Variants in TPD52 observed in about 807,000 individuals in gnomAD.
TPD52 encodes the protein tumor protein D52, also known as prostate and colon associated protein.
In TPD52, 17 loss-of-function variants were observed where a neutral mutation model predicts 31.3. That is an observed-to-expected ratio of 0.54 (90% CI 0.37 to 0.82). The LOEUF is 0.82. Ranked by LOEUF, TPD52 falls within the 40% of genes least tolerant of loss-of-function variation. The pLI, the probability that TPD52 is intolerant of heterozygous loss-of-function variation, is 0.00. For missense variants in TPD52, 212 were observed against 240.1 expected (o/e 0.88, Z 0.77); for synonymous variants, 83 against 89.6 (o/e 0.93, Z 0.42).
At chr8:80,157,181 G>C (rs1029078708) in intron 1 of TPD52, among the ~76,000 whole-genome samples, 1 of 151,820 alleles carries the variant, frequency 6.6e-6, no homozygotes, top group African/African-American at 2.4e-5. Flanking sequence ...ATCCAGTCAA[G>C]AGAATGTCAT....
chr8:80,048,411 T>G (rs1260646906), intron 5 of TPD52, among the ~76,000 whole-genome samples: 1 of 152,244 alleles, frequency 6.6e-6, no homozygotes, highest in Non-Finnish European at 1.5e-5. Flanking sequence ...ATCACCGGCA[T>G]AAGTTTGCCA....
chr8:80,147,847 C>A (rs1052400841), intron 1 of TPD52, among the ~76,000 whole-genome samples: 17 of 151,892 alleles, frequency 1.1e-4, no homozygotes, highest in African/African-American at 4.1e-4. Flanking sequence ...CGCACACACA[C>A]ACACACACCC....
intron 7 of TPD52, among the ~76,000 whole-genome samples, chr8:80,041,528 G>C (rs1010272353): frequency 6.6e-6 from 1 of 152,130 alleles, no homozygotes; most frequent in South Asian, 2.1e-4. Context: ...TACAAACTCC[G>C]TAGAGAGGGT....
At chr8:80,080,903 C>G in intron 1 of TPD52, 1 of 294,328 alleles carries the variant, frequency 3.4e-6, no homozygotes, top group Non-Finnish European at 5.0e-6. Flanking sequence ...CATGACTACA[C>G]CAGGGCAGAC....
chr8:80,164,657 G>A (rs1369286766), intron 1 of TPD52, among the ~76,000 whole-genome samples: 1 of 152,174 alleles, frequency 6.6e-6, no homozygotes, highest in Non-Finnish European at 1.5e-5. Context: ...GCCCAGGTGG[G>A]CAGATCACTT....
At chr8:80,124,903 G>A (rs1021085119) in intron 1 of TPD52, among the ~76,000 whole-genome samples, 1 of 152,078 alleles carries the variant, frequency 6.6e-6, no homozygotes, top group African/African-American at 2.4e-5. Flanking sequence ...TATAGCCCCT[G>A]TCCCCATATA....
chr8:80,044,926 C>T lies in TPD52; in HGVS notation c.414-718G>A, dbSNP rs114176293. 8.2e-3 allele frequency among the ~76,000 whole-genome samples: 1,255 copies of T among 152,244 alleles called. 12 individuals are homozygous for T. The highest frequency in any genetic ancestry group is 0.029 in the African/African-American group (1,204 of 41,536). ...TAAATATTTTGTGCGCTTATGATTTCCTTTTCTTAAAGACTCATTTGGTAC... is the reference window on the plus strand; with the variant it reads ...TAAATATTTTGTGCGCTTATGATTTTCTTTTCTTAAAGACTCATTTGGTAC... On this transcript the variant is annotated intron_variant, in intron 5 of 7. Coordinates refer to ENST00000518937, the MANE Select transcript of TPD52 (RefSeq NM_001025253.3).
At chr8:80,045,057 G>A (rs1437519116) in intron 5 of TPD52, among the ~76,000 whole-genome samples, 1 of 152,178 alleles carries the variant, frequency 6.6e-6, no homozygotes, top group Non-Finnish European at 1.5e-5. Flanking sequence ...GGCAATCTGT[G>A]TAATCAGGAT....
chr8:80,096,034 T>C (rs1816707755), intron 1 of TPD52, among the ~76,000 whole-genome samples: 1 of 152,182 alleles, frequency 6.6e-6, no homozygotes, highest in Admixed American at 6.5e-5. Flanking sequence ...AGCAGGCATA[T>C]TGCTTGAGCT....
chr8:80,087,015 C>T (rs1004064144), intron 1 of TPD52, among the ~76,000 whole-genome samples: 2 of 151,692 alleles, frequency 1.3e-5, no homozygotes, highest in Non-Finnish European at 2.9e-5. Flanking sequence ...TATGCAACTT[C>T]CTCTCAAATT....
intron 1 of TPD52, among the ~76,000 whole-genome samples, chr8:80,158,044 C>T (rs1458178497): frequency 6.6e-6 from 1 of 152,156 alleles, no homozygotes; most frequent in African/African-American, 2.4e-5. Context: ...GAACTAAAAA[C>T]GACATTCAAA....
At chr8:80,052,518 C>T in intron 3 of TPD52, 2 of 809,702 alleles carry the variant, frequency 2.5e-6, no homozygotes, top group Non-Finnish European at 1.7e-6. Context: ...GAAAATGGAC[C>T]AAAAGACTGG....
intron 2 of TPD52, among the ~76,000 whole-genome samples, chr8:80,054,772 T>C (rs2130571659): frequency 6.6e-6 from 1 of 151,064 alleles, no homozygotes; most frequent in South Asian, 2.1e-4. Context: ...AAAAAGAACC[T>C]ACAACACCAC....
intron 1 of TPD52, among the ~76,000 whole-genome samples, chr8:80,141,718 T>C (rs1427114555): frequency 6.6e-6 from 1 of 152,104 alleles, no homozygotes; most frequent in East Asian, 1.9e-4. Context: ...GAGACCATCC[T>C]GGCCAACATG....
chr8:80,138,814 C>T (rs1350647664), intron 1 of TPD52, among the ~76,000 whole-genome samples: 2 of 152,162 alleles, frequency 1.3e-5, no homozygotes, highest in Non-Finnish European at 2.9e-5. Context: ...CCACCTTAGG[C>T]TCATCCTGTC....
intron 1 of TPD52, among the ~76,000 whole-genome samples, chr8:80,112,537 G>A (rs373494925): frequency 6.6e-6 from 1 of 152,092 alleles, no homozygotes; most frequent in African/African-American, 2.4e-5. Context: ...TAGACTCTTG[G>A]TAGTAAAGAA....
At chr8:80,147,395 G>A (rs182497035) in intron 1 of TPD52, among the ~76,000 whole-genome samples, 12 of 152,182 alleles carry the variant, frequency 7.9e-5, no homozygotes, top group East Asian at 3.9e-4. Flanking sequence ...AAAAAACCAC[G>A]TCCAATCAGA....
intron 1 of TPD52, among the ~76,000 whole-genome samples, chr8:80,151,704 T>C (rs1033594125): frequency 6.6e-6 from 1 of 152,230 alleles, no homozygotes; most frequent in Admixed American, 6.5e-5. Flanking sequence ...GCTTTTTTTT[T>C]CTATTGTTCT....
chr8:80,106,305 TG>T (rs926973115), intron 1 of TPD52, among the ~76,000 whole-genome samples: 2 of 152,194 alleles, frequency 1.3e-5, no homozygotes, highest in Admixed American at 6.5e-5. Flanking sequence ...TATCGTTGAC[TG>T]TAGTCACCCT....
Sources: gnomAD v4.1 joint callset for allele counts (sites outside exome capture counted in the v4.1 genomes callset) on GRCh38, gnomAD v4.1.1 for gene constraint, MANE v1.5 for transcripts, NCBI Gene and HGNC (gene_info 2026-07-23, HGNC 2026-07-21) for gene names.